The following KMT2B variants were observed in gnomAD, a reference collection of about 807,000 sequenced individuals.
KMT2B encodes histone-lysine N-methyltransferase 2B.
In KMT2B, 22 loss-of-function variants were observed where a neutral mutation model predicts 255.3. That is an observed-to-expected ratio of 0.09 (90% CI 0.06 to 0.12). The LOEUF is 0.12. KMT2B is among the 10% of genes least tolerant of loss of function. The probability of loss-of-function intolerance (pLI) is 1.00; values close to 1 mark genes in which losing one functional copy is unlikely to be tolerated. For missense variants in KMT2B, 3,149 were observed against 3,737.0 expected (o/e 0.84, Z 4.10); for synonymous variants, 1,730 against 1,498.1 (o/e 1.15, Z -3.57).
chr19:35,733,421 C>T lies in KMT2B; in HGVS notation c.6872C>T (p.Ala2291Val). The change falls in exon 28 of 37, where the codon GCA (alanine) becomes GTA (valine). Residue 2291 changes from alanine to valine, a missense_variant. This residue lies in a region of KMT2B where 897 missense variants were observed against 825.3 expected (regional missense o/e 1.09). Transcript: ENST00000420124. The surrounding 1 kb of genome is among the most constrained non-coding windows in gnomAD (Gnocchi z 4.3). The stretch of plus-strand genomic sequence containing the variant: ...ACTTTCTCCGGCCGGTCCCCGCCAG[C>T]ACCTCCCCCATACAAAGCCCCCCGG... ...VSTFSGRSPP[A>V]PPPYKAPRLD... The T allele has an allele frequency of 6.4e-7, 1 of 1,553,986 alleles. No individual in the cohort carries two copies. Among genetic ancestry groups the T allele is most frequent in the Non-Finnish European group, 8.7e-7 (1 of 1,148,942 alleles).
Position 35,724,739 on chromosome 19 carries a change from C to G in KMT2B, c.3429+8C>G. On this transcript the variant is annotated splice_region_variant and intron_variant, in intron 9 of 36. Transcript: ENST00000420124. ...CGAAGGCGCCTGGACAAGGTCAGCA[C>G]GGCCCGCTCCGAGAGCCCCTTCCCT... 5 of 1,571,006 alleles carry G rather than the reference C, an allele frequency of 3.2e-6. No individual in the cohort carries two copies. The highest frequency in any genetic ancestry group is 3.5e-6 in the Non-Finnish European group (4 of 1,158,462).
Position 35,728,791 on chromosome 19 carries a change from C to T in KMT2B, c.4589C>T (p.Ala1530Val). The change falls in exon 20 of 37, where the codon GCG (alanine) becomes GTG (valine). Residue 1530 changes from alanine (A) to valine (V), a missense_variant. By Grantham distance (64) the Ala-to-Val change is moderately conservative. Coordinates refer to ENST00000420124, the MANE Select transcript of KMT2B (RefSeq NM_014727.3). ...GTCCACAGCGGAGTCCTTCCCAATGCGGTGTTGCCCCCATCCCTGGATCAT... is the reference window on the plus strand; with the variant it reads ...GTCCACAGCGGAGTCCTTCCCAATGTGGTGTTGCCCCCATCCCTGGATCAT... ...TRLPNGVLPN[A>V]VLPPSLDHVY... The T allele has an allele frequency of 6.2e-7, 1 of 1,613,788 alleles. No homozygotes were observed. The highest frequency in any genetic ancestry group is 8.5e-7 in the Non-Finnish European group (1 of 1,179,762).
chr19:35,728,690 G>A, intron 19 of KMT2B, 84 bp from the exon 20 acceptor site: 2 of 959,238 alleles, frequency 2.1e-6, no homozygotes, highest in Non-Finnish European at 3.3e-6. Flanking sequence ...CGGGTGTCAT[G>A]GCGAGTTCAG....
intron 5 of KMT2B, 26 bp from the exon 6 acceptor site, chr19:35,722,968 TC>T: frequency 6.6e-7 from 1 of 1,517,304 alleles, no homozygotes; most frequent in Non-Finnish European, 8.9e-7. Context: ...TGTGGCTCCA[TC>T]CCCTCCTCCC....
At position 35,721,704 on chromosome 19, in the gene KMT2B, C is replaced by G. The variant is rs1969220303; in HGVS notation, c.2357C>G (p.Ser786Cys). The change falls in exon 3 of 37, where the codon TCT becomes TGT. Residue 786 changes from serine to cysteine, a missense_variant. Ser to Cys is a moderately radical substitution (Grantham distance 112). Coordinates refer to ENST00000420124, the MANE Select transcript of KMT2B (RefSeq NM_014727.3). ...RIAGVGSLPL[S>C]GVEEKMFSLL... ...GCGGGCGTGGGTTCCTTGCCGCTGT[C>G]TGGGGTAGAGGAGAAGATGTTCAGC... is the stretch of plus-strand genomic sequence containing the variant. 1 of 1,610,666 alleles carries G rather than the reference C, an allele frequency of 6.2e-7. No homozygotes were observed. Among genetic ancestry groups the G allele is most frequent in the South Asian group, 1.1e-5 (1 of 90,712 alleles).
chr19:35,730,853 C>G lies in KMT2B; in HGVS notation c.5423C>G (p.Pro1808Arg), dbSNP rs1338785969. 1 of 1,607,224 alleles carries G rather than the reference C, an allele frequency of 6.2e-7. No individual in the cohort carries two copies. The highest frequency in any genetic ancestry group is 1.3e-5 in the African/African-American group (1 of 74,936). ...AEENQTIVHSPAPSSEPPGGE... is the reference protein window; with the variant it reads ...AEENQTIVHSRAPSSEPPGGE... ...GAGAACCAGACCATTGTGCACAGCC[C>G]CGCCCCTTCCTCAGGTGTGGCTTTG... is the stretch of plus-strand genomic sequence containing the variant. The change falls in exon 26 of 37, where the codon CCC (proline) becomes CGC (arginine). Residue 1808 changes from proline (P) to arginine (R), a missense_variant. By Grantham distance (103) the Pro-to-Arg change is moderately radical (BLOSUM62 -2). Coordinates refer to ENST00000420124, the MANE Select transcript of KMT2B (RefSeq NM_014727.3).
In KMT2B at chr19:35,723,814, G is replaced by T. The variant is rs761653388; in HGVS notation, c.3141G>T (p.Arg1047=). Residue 1047 remains arginine (R), a synonymous_variant, in exon 8 of 37, where the codon CGG becomes CGT. Transcript: ENST00000420124. The surrounding 1 kb of genome is among the most constrained non-coding windows in gnomAD (Gnocchi z 7.5). ...EASPGPPGPR[R]GAGAGGPREE... is the part of the protein sequence containing the mutation. The stretch of plus-strand genomic sequence containing the variant: ...CCCCTGGTCCTCCAGGCCCACGCCG[G>T]GGGGCGGGAGCTGGGGGGCCCCGGG... 2.8e-5 allele frequency: 44 copies of T among 1,593,584 alleles called. No individual in the cohort carries two copies. The highest frequency in any genetic ancestry group is 3.7e-5 in the Non-Finnish European group (43 of 1,169,684).
At position 35,725,288 on chromosome 19, in the gene KMT2B, C is replaced by T. The variant is rs780126664; in HGVS notation, c.3597C>T (p.Gly1199=). 1.9e-6 allele frequency: 3 copies of T among 1,579,180 alleles called. No homozygotes were observed. Among genetic ancestry groups the T allele is most frequent in the African/African-American group, 1.4e-5 (1 of 73,744 alleles). ...GTGTGCTCACCTCTGTGCCAGGGGG[C>T]CCCCCGATGGTGTGCTTGCTGTGTG... ...GLSVLTSVPG[G]PPMVCLLCAS... Residue 1199 remains glycine (G), a synonymous_variant, in exon 11 of 37, where the codon GGC becomes GGT. Transcript: ENST00000420124. This position sits in a 1 kb window ranked among gnomAD's most constrained non-coding sequence, Gnocchi z 4.1.
chr19:35,730,168 C>T (rs1339535051), intron 23 of KMT2B, 43 bp downstream of exon 23: 2 of 1,611,214 alleles, frequency 1.2e-6, no homozygotes, highest in South Asian at 1.1e-5. Flanking sequence ...CCCCACCTCT[C>T]TTCCTGTTCA....
At position 35,727,167 on chromosome 19, in the gene KMT2B, C is replaced by T; in HGVS notation, c.4015C>T (p.Pro1339Ser). ...TTCCCTTTCTCTAGGAAACTACTGC[C>T]CGATCTGTACACGCTGCTATGAAGA... ...TQLYEKGNYC[P>S]ICTRCYEDND... The change falls in exon 15 of 37, where the codon CCG becomes TCG. Residue 1339 changes from proline to serine, a missense_variant. Pro to Ser is a moderately conservative substitution (Grantham distance 74). Around this residue, in one of 18 missense-constraint regions of KMT2B, gnomAD observed 377 missense variants for 471.0 expected, o/e 0.80. Transcript: ENST00000420124. The surrounding 1 kb of genome is among the most constrained non-coding windows in gnomAD (Gnocchi z 4.2). The T allele has an allele frequency of 2.5e-6, 4 of 1,611,836 alleles. No homozygotes were observed. Among genetic ancestry groups the T allele is most frequent in the Middle Eastern group, 1.7e-4 (1 of 6,060 alleles).
rs750525059 is a variant in KMT2B, at chr19:35,721,768, TCAG to T, written c.2434_2436del (p.Gln812del). 49 of 1,601,024 alleles carry T rather than the reference TCAG, an allele frequency of 3.1e-5. No homozygotes were observed. Among genetic ancestry groups the T allele is most frequent in the Middle Eastern group, 1.7e-4 (1 of 6,030 alleles). On this transcript the variant is annotated inframe_deletion, in exon 3 of 37. Transcript: ENST00000420124. ...CCAAAGTGCAGCTATTCAAGATCGA[TCAG>T]CAGCAGCAGCAGAAGGTGGCAGCTT... is the stretch of plus-strand genomic sequence containing the variant.
At position 35,733,398 on chromosome 19, in the gene KMT2B, T is replaced by A; in HGVS notation, c.6849T>A (p.Thr2283=). 4 of 1,535,890 alleles carry A rather than the reference T, an allele frequency of 2.6e-6. No homozygotes were observed. The highest frequency in any genetic ancestry group is 3.5e-6 in the Non-Finnish European group (4 of 1,138,360). The part of the protein sequence containing the change: ...RQAIRVKRVS[T]FSGRSPPAPP... ...CCATCCGCGTCAAGAGGGTGTCCAC[T>A]TTCTCCGGCCGGTCCCCGCCAGCAC... Residue 2283 remains threonine (T), a synonymous_variant, in exon 28 of 37, where the codon ACT becomes ACA. Transcript: ENST00000420124. This position sits in a 1 kb window ranked among gnomAD's most constrained non-coding sequence, Gnocchi z 4.3.
In KMT2B at chr19:35,721,117, A is replaced by C. The variant is rs746354562; in HGVS notation, c.1770A>C (p.Pro590=). The C allele has an allele frequency of 6.3e-7, 1 of 1,587,470 alleles. No individual in the cohort carries two copies. The highest frequency in any genetic ancestry group is 1.5e-5 in the African/African-American group (1 of 68,136). The part of the protein sequence containing the change: ...VPSPPRAPTP[P]STPVPLPEKR... ...CTCCACCACGTGCCCCAACTCCTCC[A>C]TCTACCCCAGTTCCACTCCCTGAGA... The change falls in exon 3 of 37, where the codon CCA becomes CCC. Residue 590 remains proline (P), a synonymous_variant. Transcript: ENST00000420124.
rs978674240 is a variant in KMT2B at position 35,722,982 on chromosome 19, C to T, written c.2723-13C>T. ...TTGTGGCTCCATCCCCTCCTCCCTGCCTGCTGCAATAGATACATCATCGGC... is the reference window on the plus strand; with the variant it reads ...TTGTGGCTCCATCCCCTCCTCCCTGTCTGCTGCAATAGATACATCATCGGC... On this transcript the variant is annotated splice_polypyrimidine_tract_variant and intron_variant, in intron 5 of 36. Coordinates refer to ENST00000420124, the MANE Select transcript of KMT2B (RefSeq NM_014727.3). 2.6e-6 allele frequency: 4 copies of T among 1,547,524 alleles called. No individual in the cohort carries two copies. Among genetic ancestry groups the T allele is most frequent in the Non-Finnish European group, 3.5e-6 (4 of 1,141,814 alleles).
chr19:35,722,334 C>T (rs374795476), intron 3 of KMT2B, 25 bp from the exon 4 acceptor site: 1 of 1,585,582 alleles, frequency 6.3e-7, no homozygotes, highest in African/African-American at 1.3e-5. Flanking sequence ...CTGTCCAGCC[C>T]CTGACCCTGT....
In KMT2B at chr19:35,727,325, C is replaced by A. The variant is rs557609971; in HGVS notation, c.4117+56C>A. 1.3e-6 allele frequency: 2 copies of A among 1,572,388 alleles called. No homozygotes were observed. The highest frequency in any genetic ancestry group is 1.7e-6 in the Non-Finnish European group (2 of 1,143,016). ...TCAACCCTGTGGGGACCCCTGCCCC[C>A]ACCACAGGCCCCAAGAGGACTGGTG... On this transcript the variant is annotated intron_variant, in intron 15 of 36. Transcript: ENST00000420124. This position sits in a 1 kb window ranked among gnomAD's most constrained non-coding sequence, Gnocchi z 4.2.
chr19:35,730,589 A>AG lies in KMT2B; in HGVS notation c.5252dup (p.Arg1752ThrfsTer67). On this transcript the variant is annotated frameshift_variant, in exon 25 of 37. Coordinates refer to ENST00000420124, the MANE Select transcript of KMT2B (RefSeq NM_014727.3). LOFTEE classifies it high-confidence loss of function. Reference sequence around the variant, plus strand: ...ACTCTGTCTGATCTCTCGGACTGCGAGGGACGGCTCTTCCCCATTGGCTAC... The same window carrying AG: ...ACTCTGTCTGATCTCTCGGACTGCGAGGGGACGGCTCTTCCCCATTGGCTAC... The AG allele has an allele frequency of 6.2e-7, 1 of 1,613,972 alleles. No individual in the cohort carries two copies. The highest frequency in any genetic ancestry group is 8.5e-7 in the Non-Finnish European group (1 of 1,179,888).
In KMT2B at chr19:35,727,250, C is replaced by T. The variant is rs1599683921; in HGVS notation, c.4098C>T (p.Ala1366=). 6.2e-7 allele frequency: 1 copy of T among 1,613,234 alleles called. No homozygotes were observed. The highest frequency in any genetic ancestry group is 8.5e-7 in the Non-Finnish European group (1 of 1,179,540). ...QCAQCDHWVH[A]KCEGLSDEDY... is the part of the protein sequence containing the mutation. ...CACAGTGCGATCACTGGGTGCATGC[C>T]AAGTGCGAGGGGCTCTCAGGTGAGT... The change falls in exon 15 of 37, where the codon GCC becomes GCT. Residue 1366 remains alanine (A), a synonymous_variant. Coordinates refer to ENST00000420124, the MANE Select transcript of KMT2B (RefSeq NM_014727.3). This position sits in a 1 kb window ranked among gnomAD's most constrained non-coding sequence, Gnocchi z 4.2.
Position 35,720,702 on chromosome 19 carries a change from A to T in KMT2B, c.1355A>T (p.Glu452Val). 1 of 1,466,374 alleles carries T rather than the reference A, an allele frequency of 6.8e-7. No homozygotes were observed. Among genetic ancestry groups the T allele is most frequent in the South Asian group, 1.4e-5 (1 of 69,998 alleles). 90.8% of individuals were successfully genotyped at this position (1,466,374 alleles called of 1,614,324 possible). ...PSPPPPPAQEEQEESPPPVVP... is the reference protein window; with the variant it reads ...PSPPPPPAQEVQEESPPPVVP... ...CCTCCACCGCCTCCTGCCCAAGAGG[A>T]GCAGGAGGAATCCCCTCCTCCTGTG... The change falls in exon 3 of 37, where the codon GAG becomes GTG. Residue 452 changes from glutamate to valine, a missense_variant. Around this residue, in one of 18 missense-constraint regions of KMT2B, gnomAD observed 1,188 missense variants for 1,106.4 expected, o/e 1.07. Coordinates refer to ENST00000420124, the MANE Select transcript of KMT2B (RefSeq NM_014727.3).
Sources: gnomAD v4.1 joint callset for allele counts on GRCh38, gnomAD v4.1.1 for gene constraint, gnomAD v4.1.1 regional missense constraint, Gnocchi (gnomAD v3.1) non-coding constraint, MANE v1.5 for transcripts, NCBI Gene and HGNC (gene_info 2026-07-23, HGNC 2026-07-21) for gene names.